Variants in TRRAP observed in about 807,000 individuals in gnomAD.
TRRAP encodes transformation/transcription domain-associated protein.
TRRAP carries 41 observed loss-of-function variants against 438.8 expected under a neutral mutation model. That is an observed-to-expected ratio of 0.09 (90% CI 0.07 to 0.12). The LOEUF (loss-of-function observed/expected upper bound fraction) is 0.12. Among genes scored for constraint, TRRAP ranks in the 10% least tolerant of loss-of-function variants. TRRAP has a pLI of 1.00. For synonymous variants in TRRAP, 1,994 were observed against 1,962.9 expected, an observed-to-expected ratio of 1.02 and a Z score of -0.42; for missense variants, 3,122 against 5,055.1, an observed-to-expected ratio of 0.62 and a Z score of 11.60.
At chr7:98,878,915 C>T (rs1368795744) in intron 1 of TRRAP, among the ~76,000 whole-genome samples, 1 of 152,106 alleles carries the variant, frequency 6.6e-6, no homozygotes, top group African/African-American at 2.4e-5. Flanking sequence ...GGTCACGGAG[C>T]GCCCGGGACG....
intron 46 of TRRAP, 30 bp from the exon 47 acceptor site, chr7:98,962,272 C>CA: frequency 6.2e-7 from 1 of 1,613,860 alleles, no homozygotes; most frequent in Non-Finnish European, 8.5e-7. Flanking sequence ...GAGCCATAAC[C>CA]ACAGTGCCTG....
In TRRAP at chr7:98,948,453, C is replaced by T; in HGVS notation, c.4668+113C>T. ...ACAGCATAAAGACGTTCGATGTCAA[C>T]ATTTGCTTGTGGGTGTTCATGCACT... On this transcript the variant is annotated intron_variant, in intron 34 of 72. Coordinates refer to ENST00000456197, the MANE Select transcript of TRRAP (RefSeq NM_001375524.1). The surrounding 1 kb of genome is among the most constrained non-coding windows in gnomAD (Gnocchi z 4.9). 1 of 1,609,366 alleles carries T rather than the reference C, an allele frequency of 6.2e-7. No individual in the cohort carries two copies. The highest frequency in any genetic ancestry group is 2.2e-5 in the East Asian group (1 of 44,810).
rs1316418461 is a variant in TRRAP, at chr7:98,900,641, A to G, written c.818A>G (p.Asn273Ser). The G allele has an allele frequency of 6.2e-7, 1 of 1,611,616 alleles. No individual in the cohort carries two copies. Among genetic ancestry groups the G allele is most frequent in the Non-Finnish European group, 8.5e-7 (1 of 1,179,548 alleles). ...TTATTCAGGCAACATAAGCTTTACA[A>G]CAAGGAGTTGTATGCTGACTTCATT... ...SAQARQHKLY[N>S]KELYADFIAA... is the part of the protein sequence containing the mutation. Residue 273 changes from asparagine to serine, a missense_variant, in exon 11 of 73, where the codon AAC becomes AGC. By Grantham distance (46) the Asn-to-Ser change is conservative. Coordinates refer to ENST00000456197, the MANE Select transcript of TRRAP (RefSeq NM_001375524.1).
In TRRAP at chr7:98,926,675, C is replaced by T. The variant is rs562247978; in HGVS notation, c.2976-492C>T. Among the ~76,000 whole-genome samples, 31 of 152,004 alleles carry T rather than the reference C, an allele frequency of 2.0e-4. No individual in the cohort carries two copies. The South Asian group carries it at 5.4e-3, about 27-fold the overall frequency. On this transcript the variant is annotated intron_variant, in intron 22 of 72. Coordinates refer to ENST00000456197, the MANE Select transcript of TRRAP (RefSeq NM_001375524.1). ...AAAAAGAGCCAAGAAAATGATAATT[C>T]GTGACCAAATCTAAATGGGATGCAG...
chr7:98,971,972 G>C, intron 53 of TRRAP, 27 bp downstream of exon 53: 1 of 1,610,610 alleles, frequency 6.2e-7, no homozygotes, highest in Non-Finnish European at 8.5e-7. Context: ...GAAAGGATTC[G>C]TTGCTTTCCT....
chr7:98,999,722 G>A (rs1793831724), intron 67 of TRRAP: 5 of 729,326 alleles, frequency 6.9e-6, no homozygotes, highest in Middle Eastern at 2.4e-4. Flanking sequence ...AGTGGAGGGA[G>A]AAAGCAAATG....
intron 33 of TRRAP, among the ~76,000 whole-genome samples, chr7:98,946,665 A>ACACACATGCACACATAC (rs1400691784): frequency 1.2e-4 from 18 of 149,040 alleles, no homozygotes; most frequent in Middle Eastern, 3.4e-3. Context: ...TGCACACACA[A>ACACACATGCACACATAC]CACACATGCA....
At chr7:98,998,644 GA>G (rs1264780837) in intron 67 of TRRAP, 1 of 158,752 alleles carries the variant, frequency 6.3e-6, no homozygotes, top group East Asian at 1.9e-4. Context: ...GGTTGCTAGA[GA>G]GAGAACCCAT....
At chr7:98,891,628 C>T (rs186544143) in intron 4 of TRRAP, among the ~76,000 whole-genome samples, 107 of 151,476 alleles carry the variant, frequency 7.1e-4, no homozygotes, top group South Asian at 3.8e-3. Flanking sequence ...CTCCGCCTCC[C>T]GGGTTCACAC....
At position 99,011,156 on chromosome 7, in the gene TRRAP, G is replaced by A. The variant is rs1016435257; in HGVS notation, c.11043G>A (p.Thr3681=). Residue 3681 remains threonine, a synonymous_variant, in exon 71 of 73, where the codon ACG becomes ACA. Coordinates refer to ENST00000456197, the MANE Select transcript of TRRAP (RefSeq NM_001375524.1). The surrounding 1 kb of genome is among the most constrained non-coding windows in gnomAD (Gnocchi z 7.1). The stretch of plus-strand genomic sequence containing the variant: ...TCCCCAATGCCACGGACTACTGGAC[G>A]TTCCGGAAGATGTTCACCATCCAGC... ...HTFPNATDYW[T]FRKMFTIQLA... The A allele has an allele frequency of 3.7e-6, 6 of 1,614,120 alleles. No individual in the cohort carries two copies. The highest frequency in any genetic ancestry group is 2.2e-5 in the South Asian group (2 of 91,072).
At chr7:98,930,354 C>G (rs1790269283) in intron 24 of TRRAP, 148 bp downstream of exon 24, 3 of 1,056,724 alleles carry the variant, frequency 2.8e-6, no homozygotes, top group Non-Finnish European at 2.7e-6. Context: ...AGGCGGGCGG[C>G]TCACCTGAGG....
chr7:98,947,880 G>C (rs1791157687), intron 33 of TRRAP, among the ~76,000 whole-genome samples: 1 of 152,228 alleles, frequency 6.6e-6, no homozygotes. Context: ...AATCATCCCT[G>C]CTTCTGTGAG....
chr7:98,886,557 G>T (rs1795725747), intron 3 of TRRAP, among the ~76,000 whole-genome samples: 1 of 151,918 alleles, frequency 6.6e-6, no homozygotes, highest in Non-Finnish European at 1.5e-5. Context: ...GTATAGTTAG[G>T]GCTTTTCCAA....
In TRRAP at chr7:98,911,131, G is replaced by A. The variant is rs1554408644; in HGVS notation, c.1867G>A (p.Val623Met). Residue 623 changes from valine (V) to methionine (M), a missense_variant, in exon 17 of 73, where the codon GTG (valine) becomes ATG (methionine). Physicochemically the swap from Val to Met is conservative, Grantham distance 21. Transcript: ENST00000456197. ...CATCCGTGTGGCCAACTGCCAGACT[G>A]TGAGAATGAAAGAGGAGAAGGAGGT... ...TYIRVANCQT[V>M]RMKEEKEVLE... 1.9e-6 allele frequency: 3 copies of A among 1,614,084 alleles called. No homozygotes were observed. Among genetic ancestry groups the A allele is most frequent in the African/African-American group, 1.3e-5 (1 of 74,936 alleles).
intron 52 of TRRAP, among the ~76,000 whole-genome samples, chr7:98,971,588 T>C (rs967331660): frequency 1.3e-5 from 2 of 152,244 alleles, no homozygotes; most frequent in African/African-American, 2.4e-5. Context: ...TGGTGGCTTC[T>C]TTATAGTCAT....
intron 60 of TRRAP, 51 bp from the exon 61 acceptor site, chr7:98,984,042 G>A: frequency 6.6e-7 from 1 of 1,509,210 alleles, no homozygotes. Flanking sequence ...GTTGTGAAGT[G>A]CTTTGAAAGA....
chr7:98,894,745 CTGGGACT>C (rs1796123382), intron 6 of TRRAP, among the ~76,000 whole-genome samples: 1 of 146,118 alleles, frequency 6.8e-6, no homozygotes, highest in Non-Finnish European at 1.5e-5. Flanking sequence ...CCCCAAGTAG[CTGGGACT>C]ACAGGCTTAT....
intron 31 of TRRAP, among the ~76,000 whole-genome samples, chr7:98,944,566 G>A (rs1554416385): frequency 6.6e-6 from 1 of 152,108 alleles, no homozygotes; most frequent in African/African-American, 2.4e-5. Context: ...ATGGTGTTTG[G>A]GGGCTTGTCT....
At chr7:98,990,379 A>G (rs1049086773) in intron 63 of TRRAP, 76 bp from the exon 64 acceptor site, 1 of 1,547,424 alleles carries the variant, frequency 6.5e-7, no homozygotes, top group African/African-American at 1.4e-5. Flanking sequence ...ACAGTGTTGT[A>G]ATGTTGGGGA....
Sources: gnomAD v4.1 joint callset for allele counts (sites outside exome capture counted in the v4.1 genomes callset) on GRCh38, gnomAD v4.1.1 for gene constraint, Gnocchi (gnomAD v3.1) non-coding constraint, MANE v1.5 for transcripts, NCBI Gene and HGNC (gene_info 2026-07-23, HGNC 2026-07-21) for gene names.